The following RHEX variants were observed in gnomAD, a reference collection of about 807,000 sequenced individuals.
RHEX encodes the protein regulator of hemoglobinization and erythroid cell expansion.
RHEX carries 18 observed loss-of-function variants against 20.1 expected under a neutral mutation model. That is an observed-to-expected ratio of 0.90 (90% CI 0.62 to 1.33). The LOEUF is 1.33. Among genes scored for constraint, RHEX ranks in the 40% most tolerant of loss-of-function variants. The pLI, the probability that RHEX is intolerant of heterozygous loss-of-function variation, is 0.00. For missense variants in RHEX, 192 were observed against 214.3 expected (o/e 0.90, Z 0.65); for synonymous variants, 87 against 77.1 (o/e 1.13, Z -0.67).
At chr1:206,081,573 G>A (rs1558175593) in intron 1 of RHEX, among the ~76,000 whole-genome samples, 2 of 152,190 alleles carry the variant, frequency 1.3e-5, no homozygotes, top group Non-Finnish European at 2.9e-5. Flanking sequence ...TTGCTGCAAC[G>A]CAGTCCTAGC....
chr1:206,088,631 C>T (rs1031825580), intron 1 of RHEX, among the ~76,000 whole-genome samples: 3 of 152,102 alleles, frequency 2.0e-5, no homozygotes, highest in Non-Finnish European at 4.4e-5. Context: ...TGCAGTGAGC[C>T]AAGATTGCGC....
intron 1 of RHEX, among the ~76,000 whole-genome samples, chr1:206,064,246 G>T: frequency 7.0e-6 from 1 of 143,324 alleles, no homozygotes; most frequent in Admixed American, 6.8e-5. Context: ...CAGCCACCCC[G>T]TCCGGGAGGG....
chr1:206,095,690 C>T (rs1553287575), intron 1 of RHEX, among the ~76,000 whole-genome samples: 1 of 152,122 alleles, frequency 6.6e-6, no homozygotes, highest in African/African-American at 2.4e-5. Context: ...GTGGTGCATA[C>T]CTGAAATCCC....
At chr1:206,062,464 A>C (rs1662325991) in intron 1 of RHEX, among the ~76,000 whole-genome samples, 1 of 152,142 alleles carries the variant, frequency 6.6e-6, no homozygotes, top group Non-Finnish European at 1.5e-5. Context: ...GATTCAGACC[A>C]TTTCAGGTCC....
intron 1 of RHEX, among the ~76,000 whole-genome samples, chr1:206,069,092 A>G (rs1662482123): frequency 6.6e-6 from 1 of 152,246 alleles, no homozygotes; most frequent in Non-Finnish European, 1.5e-5. Flanking sequence ...TTAATGAGGC[A>G]GTAAGAGACG....
rs782744250 is a variant in RHEX at position 206,101,880 on chromosome 1, C to A, written c.447C>A (p.His149Gln). The change falls in exon 6 of 6, where the codon CAC becomes CAA. Residue 149 changes from histidine (H) to glutamine (Q), a missense_variant. Coordinates refer to ENST00000331555, the MANE Select transcript of RHEX (RefSeq NM_001007544.4). ...TDYVNVNPER[H>Q]KPSFWYFVNP... ...ATGTCAATGTCAATCCAGAAAGACA[C>A]AAGCCCAGTTTCTGGTATTTTGTCA... 13 of 1,613,860 alleles carry A rather than the reference C, an allele frequency of 8.1e-6. No individual in the cohort carries two copies. Among genetic ancestry groups the A allele is most frequent in the Non-Finnish European group, 1.7e-6 (2 of 1,179,926 alleles).
chr1:206,090,779 A>C (rs1483117053), intron 1 of RHEX, among the ~76,000 whole-genome samples: 1 of 151,708 alleles, frequency 6.6e-6, no homozygotes, highest in African/African-American at 2.4e-5. Context: ...TTATATTTAG[A>C]TATTTCTATT....
chr1:206,099,830 A>G lies in RHEX; in HGVS notation c.256+32A>G, dbSNP rs782500225. 2.4e-5 allele frequency: 39 copies of G among 1,608,718 alleles called. No individual in the cohort carries two copies. In the South Asian group the frequency reaches 3.7e-4, roughly 15 times the overall value. On this transcript the variant is annotated intron_variant, in intron 4 of 5. Transcript: ENST00000331555. ...AAGGGGTTGGAGGGAGAACTTGTCTAGGGACTAACTTTGCTCTCTCTGGAC... is the reference window on the plus strand; with the variant it reads ...AAGGGGTTGGAGGGAGAACTTGTCTGGGGACTAACTTTGCTCTCTCTGGAC...
chr1:206,090,397 A>T (rs981080220), intron 1 of RHEX, among the ~76,000 whole-genome samples: 3 of 151,772 alleles, frequency 2.0e-5, no homozygotes, highest in African/African-American at 4.8e-5. Context: ...TAATAGAGAC[A>T]GGTTTCACCA....
chr1:206,096,454 A>G (rs1663070357), intron 1 of RHEX, among the ~76,000 whole-genome samples: 1 of 152,206 alleles, frequency 6.6e-6, no homozygotes, highest in African/African-American at 2.4e-5. Context: ...CACAATTTTC[A>G]TTTCTTTCAC....
intron 1 of RHEX, among the ~76,000 whole-genome samples, chr1:206,064,590 C>A (rs1662382681): frequency 7.5e-6 from 1 of 133,628 alleles, no homozygotes; most frequent in African/African-American, 2.9e-5. Context: ...CTCTGCCCGG[C>A]CGCCCCTACT....
chr1:206,091,112 A>G (rs1424525453), intron 1 of RHEX, among the ~76,000 whole-genome samples: 3 of 152,172 alleles, frequency 2.0e-5, no homozygotes, highest in Non-Finnish European at 2.9e-5. Context: ...TGTCATCTTG[A>G]GCATATTAGG....
chr1:206,083,181 A>G (rs1169013779), intron 1 of RHEX, among the ~76,000 whole-genome samples: 1 of 152,242 alleles, frequency 6.6e-6, no homozygotes, highest in Non-Finnish European at 1.5e-5. Context: ...CATTTTACAG[A>G]GGAAGAACAT....
intron 1 of RHEX, among the ~76,000 whole-genome samples, chr1:206,077,460 C>G (rs1408308044): frequency 6.6e-6 from 1 of 152,068 alleles, no homozygotes; most frequent in African/African-American, 2.4e-5. Flanking sequence ...ATTAATACTG[C>G]AGAGTAAGTG....
At chr1:206,076,521 C>T (rs758373358) in intron 1 of RHEX, among the ~76,000 whole-genome samples, 2 of 152,184 alleles carry the variant, frequency 1.3e-5, no homozygotes, top group Non-Finnish European at 2.9e-5. Flanking sequence ...GGCTCACGCC[C>T]ACGGCAGGGA....
chr1:206,093,144 T>G (rs1662992861), intron 1 of RHEX, among the ~76,000 whole-genome samples: 1 of 152,226 alleles, frequency 6.6e-6, no homozygotes, highest in Admixed American at 6.5e-5. Context: ...CCATTATACC[T>G]TAGCTAATGT....
chr1:206,079,591 T>C (rs1272445216), intron 1 of RHEX, among the ~76,000 whole-genome samples: 13 of 152,146 alleles, frequency 8.5e-5, no homozygotes, highest in African/African-American at 3.1e-4. Flanking sequence ...AGTCTCACTG[T>C]GTTGCCCAGG....
chr1:206,074,355 A>G (rs1553284992), intron 1 of RHEX, among the ~76,000 whole-genome samples: 1 of 152,254 alleles, frequency 6.6e-6, no homozygotes, highest in East Asian at 1.9e-4. Context: ...TATATAGTGG[A>G]CTATCAAGAA....
chr1:206,089,211 A>G (rs1253788786), intron 1 of RHEX, among the ~76,000 whole-genome samples: 1 of 151,976 alleles, frequency 6.6e-6, no homozygotes, highest in Non-Finnish European at 1.5e-5. Context: ...AAAATGGGTT[A>G]AAACATTTTT....
Sources: allele counts gnomAD v4.1 joint callset (sites outside exome capture counted in the v4.1 genomes callset), GRCh38; gene constraint gnomAD v4.1.1; transcripts MANE v1.5; gene names NCBI Gene and HGNC (gene_info 2026-07-23, HGNC 2026-07-21).